EXT2: variants seen among roughly 807,000 people sequenced by gnomAD.
EXT2 encodes exostosin glycosyltransferase 2.
EXT2 carries 53 observed loss-of-function variants against 81.6 expected under a neutral mutation model. The ratio of observed to expected loss-of-function variants is 0.65; its 90% CI spans 0.52 to 0.82. The LOEUF (loss-of-function observed/expected upper bound fraction) is 0.82, where lower values mean the gene tolerates loss of function less well. Among genes scored for constraint, EXT2 ranks in the 40% least tolerant of loss-of-function variants. EXT2 has a pLI of 0.00. For missense variants in EXT2, 774 were observed against 910.2 expected, an observed-to-expected ratio of 0.85 and a Z score of 1.93; for synonymous variants, 320 against 340.0, an observed-to-expected ratio of 0.94 and a Z score of 0.65.
At chr11:44,236,448 G>T in intron 13 of EXT2, 73 bp downstream of exon 13, 1 of 1,393,598 alleles carries the variant, frequency 7.2e-7, no homozygotes. Context: ...TGTTTATGGG[G>T]CTTTGTTGGA....
chr11:44,146,003 A>T (rs934299148), intron 7 of EXT2, among the ~76,000 whole-genome samples: 1 of 152,184 alleles, frequency 6.6e-6, no homozygotes, highest in Non-Finnish European at 1.5e-5. Context: ...AAACAACAGA[A>T]ATCTATTTCT....
At chr11:44,184,845 C>A (rs1489152879) in intron 8 of EXT2, among the ~76,000 whole-genome samples, 1 of 152,116 alleles carries the variant, frequency 6.6e-6, no homozygotes, top group South Asian at 2.1e-4. Flanking sequence ...AAGTTGTCAG[C>A]AATTAATTGT....
At position 44,174,336 on chromosome 11, in the gene EXT2, C is replaced by A. The variant is rs189520116; in HGVS notation, c.1305+2594C>A. ...TGAACAAGGCAGAGAAGGAGCCATG[C>A]CTTTGGGAAACTTGCATTGCAATGG... On this transcript the variant is annotated intron_variant, in intron 8 of 13. Coordinates refer to ENST00000533608, the MANE Select transcript of EXT2 (RefSeq NM_207122.2). Among the ~76,000 whole-genome samples, 840 of 152,092 alleles carry A rather than the reference C, an allele frequency of 5.5e-3. 13 individuals carry two copies. The highest frequency in any genetic ancestry group is 0.019 in the African/African-American group (796 of 41,506).
intron 2 of EXT2, 126 bp downstream of exon 2, chr11:44,108,374 G>A (rs933196920): frequency 1.9e-6 from 2 of 1,045,832 alleles, no homozygotes; most frequent in African/African-American, 3.1e-5. Flanking sequence ...CTTCTTGCAG[G>A]ACGGGGTGTG....
Position 44,124,801 on chromosome 11 carries a change from C to G in EXT2, c.756C>G (p.Tyr252Ter). Residue 252 changes from tyrosine (Y) to a stop codon, truncating the protein, a stop_gained, in exon 5 of 14, where the codon TAC becomes TAG. Transcript: ENST00000533608. LOFTEE classifies it high-confidence loss of function. ...TTTTCCCTTGTAGTCCACGGCAATACTTCCTCCTGTCATCTCAGGTGGGTC... is the reference window on the plus strand; with the variant it reads ...TTTTCCCTTGTAGTCCACGGCAATAGTTCCTCCTGTCATCTCAGGTGGGTC... ...LPEKGPGPRQ[Y>*]FLLSSQVGLH... The G allele has an allele frequency of 6.2e-7, 1 of 1,614,086 alleles. No individual in the cohort carries two copies. The highest frequency in any genetic ancestry group is 8.5e-7 in the Non-Finnish European group (1 of 1,179,998).
chr11:44,159,979 T>G (rs1320630483), intron 7 of EXT2, among the ~76,000 whole-genome samples: 1 of 152,212 alleles, frequency 6.6e-6, no homozygotes, highest in East Asian at 1.9e-4. Flanking sequence ...TCTTGTAAAA[T>G]AGTTTCTCCT....
chr11:44,240,590 CA>C (rs1227871996), intron 13 of EXT2, among the ~76,000 whole-genome samples: 2 of 152,054 alleles, frequency 1.3e-5, no homozygotes, highest in African/African-American at 4.8e-5. Flanking sequence ...ATAATAATGT[CA>C]TAGAGTATGA....
intron 10 of EXT2, among the ~76,000 whole-genome samples, chr11:44,215,787 T>C (rs1955710386): frequency 6.6e-6 from 1 of 152,098 alleles, no homozygotes; most frequent in Admixed American, 6.5e-5. Flanking sequence ...CAAAGAGAAA[T>C]CATGCAGCAG....
chr11:44,126,819 G>A lies in EXT2; in HGVS notation c.943G>A (p.Ala315Thr). The A allele has an allele frequency of 1.2e-6, 2 of 1,614,148 alleles. No individual in the cohort carries two copies. Among genetic ancestry groups the A allele is most frequent in the South Asian group, 1.1e-5 (1 of 91,072 alleles). The change falls in exon 6 of 14, where the codon GCT (alanine) becomes ACT (threonine). Residue 315 changes from alanine (A) to threonine (T), a missense_variant. Physicochemically the swap from Ala to Thr is moderately conservative, Grantham distance 58 (BLOSUM62 0). Around this residue, in one of 2 missense-constraint regions of EXT2, gnomAD observed 626 missense variants for 670.5 expected, o/e 0.93. Transcript: ENST00000533608. ...TTGCCTCTTTGTGTTCCTGCAGGAG[G>A]CTACTTTCTGTGTGGTTCTTCGTGG... ...VFDYPQVLQE[A>T]TFCVVLRGAR... is the part of the protein sequence containing the mutation.
chr11:44,237,533 T>C (rs1424691427), intron 13 of EXT2, among the ~76,000 whole-genome samples: 1 of 152,140 alleles, frequency 6.6e-6, no homozygotes, highest in African/African-American at 2.4e-5. Context: ...ATTGAACTTC[T>C]ATTGGAGTAC....
At chr11:44,103,239 G>A (rs532607081) in intron 1 of EXT2, among the ~76,000 whole-genome samples, 24 of 151,798 alleles carry the variant, frequency 1.6e-4, no homozygotes, top group Admixed American at 9.2e-4. Flanking sequence ...TATCTAGGTA[G>A]CATTTTCTTT....
chr11:44,170,685 A>G (rs941827078), intron 7 of EXT2, among the ~76,000 whole-genome samples: 2 of 152,214 alleles, frequency 1.3e-5, no homozygotes, highest in African/African-American at 2.4e-5. Context: ...AATAAATTTA[A>G]CAATTAGTTG....
intron 7 of EXT2, among the ~76,000 whole-genome samples, chr11:44,146,705 A>T (rs1954722971): frequency 6.6e-6 from 1 of 152,196 alleles, no homozygotes; most frequent in Admixed American, 6.5e-5. Flanking sequence ...GTAGTTTATT[A>T]AGCCTAATAA....
At chr11:44,217,576 AT>A (rs1955734735) in intron 10 of EXT2, among the ~76,000 whole-genome samples, 1 of 152,142 alleles carries the variant, frequency 6.6e-6, no homozygotes, top group South Asian at 2.1e-4. Context: ...TAATTTATTT[AT>A]CTGTTTATGT....
chr11:44,152,082 A>C (rs1469818380), intron 7 of EXT2, among the ~76,000 whole-genome samples: 1 of 151,996 alleles, frequency 6.6e-6, no homozygotes, highest in Non-Finnish European at 1.5e-5. Flanking sequence ...CTTATTGTAG[A>C]GTTTTACGAG....
chr11:44,212,744 T>C (rs1004388069), intron 10 of EXT2, among the ~76,000 whole-genome samples: 2 of 151,998 alleles, frequency 1.3e-5, no homozygotes, highest in African/African-American at 2.4e-5. Context: ...TACACAGCAA[T>C]AGAAAGAAAG....
At chr11:44,104,642 A>G (rs1197025690) in intron 1 of EXT2, 3 of 152,224 alleles carry the variant, frequency 2.0e-5, no homozygotes, top group Non-Finnish European at 4.4e-5. Flanking sequence ...TGATTCAAGT[A>G]TACACATAGA....
intron 8 of EXT2, among the ~76,000 whole-genome samples, chr11:44,191,205 T>C (rs1401979442): frequency 6.6e-6 from 1 of 152,216 alleles, no homozygotes. Context: ...AATTTAACAA[T>C]GTGAGATTTC....
At position 44,248,277 on chromosome 11, in the gene EXT2, A is replaced by G. The variant is rs1424209604; in HGVS notation, c.*3990A>G. 6.6e-6 allele frequency among the ~76,000 whole-genome samples: 1 copy of G among 152,198 alleles called. No homozygotes were observed. The highest frequency in any genetic ancestry group is 1.5e-5 in the Non-Finnish European group (1 of 68,028). On this transcript the variant is annotated 3_prime_UTR_variant, in exon 14 of 14. Transcript: ENST00000533608. Reference sequence around the variant, plus strand: ...GCTAAACTGGCCCCATGTCTCCTCCAGCCACTTCCTGAGGAGCAGTTCTGG... The same window carrying G: ...GCTAAACTGGCCCCATGTCTCCTCCGGCCACTTCCTGAGGAGCAGTTCTGG...
Sources: gnomAD v4.1 joint callset for allele counts (sites outside exome capture counted in the v4.1 genomes callset) on GRCh38, gnomAD v4.1.1 for gene constraint, gnomAD v4.1.1 regional missense constraint, MANE v1.5 for transcripts, NCBI Gene and HGNC (gene_info 2026-07-23, HGNC 2026-07-21) for gene names.